NECAB1: variants seen among roughly 807,000 people sequenced by gnomAD.
NECAB1 encodes the protein N-terminal EF-hand calcium binding protein 1, also known as N-terminal EF-hand calcium-binding protein 1.
Under a neutral mutation model 57.5 loss-of-function variants are expected in NECAB1, and 29 were observed. The observed-to-expected ratio is 0.50, with a 90% CI of 0.38 to 0.69. The LOEUF is 0.69. Ranked by LOEUF, NECAB1 falls within the 30% of genes least tolerant of loss-of-function variation. NECAB1 has a pLI of 0.00. For missense variants in NECAB1, 372 were observed against 413.8 expected, an observed-to-expected ratio of 0.90 and a Z score of 0.88; for synonymous variants, 142 against 147.7, an observed-to-expected ratio of 0.96 and a Z score of 0.28.
intron 3 of NECAB1, among the ~76,000 whole-genome samples, chr8:90,863,985 T>C (rs181999715): frequency 1.3e-5 from 2 of 152,246 alleles, no homozygotes; most frequent in East Asian, 3.9e-4. Flanking sequence ...AAAGTGCGGG[T>C]CACAGACTGA....
intron 5 of NECAB1, among the ~76,000 whole-genome samples, chr8:90,906,885 A>ATGTATATATATATATATATATATG (rs1563528221): frequency 1.7e-5 from 2 of 120,926 alleles, no homozygotes; most frequent in East Asian, 2.9e-4. Flanking sequence ...ACATATATAT[A>ATGTATATATATATATATATATATG]TATATATATA....
intron 5 of NECAB1, among the ~76,000 whole-genome samples, chr8:90,912,649 A>G (rs1264135660): frequency 6.6e-6 from 1 of 152,106 alleles, no homozygotes; most frequent in African/African-American, 2.4e-5. Context: ...ACCTCTGTCC[A>G]TTATTAGGAC....
intron 5 of NECAB1, among the ~76,000 whole-genome samples, chr8:90,882,319 C>G (rs1367441985): frequency 6.6e-6 from 1 of 151,358 alleles, no homozygotes; most frequent in Admixed American, 6.6e-5. Flanking sequence ...AAATAAAGTT[C>G]AGAAAGTCCC....
chr8:90,917,370 C>T, intron 5 of NECAB1, 122 bp from the exon 6 acceptor site: 1 of 785,984 alleles, frequency 1.3e-6, no homozygotes. Context: ...CTTTTCCCTT[C>T]TCTCCACCCT....
At chr8:90,892,706 G>A (rs1016879147) in intron 5 of NECAB1, among the ~76,000 whole-genome samples, 7 of 152,144 alleles carry the variant, frequency 4.6e-5, no homozygotes, top group Admixed American at 2.6e-4. Context: ...TCCTTGACTC[G>A]CACAGGGATT....
At chr8:90,840,273 G>A (rs555572315) in intron 3 of NECAB1, among the ~76,000 whole-genome samples, 3 of 152,184 alleles carry the variant, frequency 2.0e-5, no homozygotes, top group African/African-American at 7.2e-5. Flanking sequence ...CAATAATAAC[G>A]GTTAACGTTT....
chr8:90,901,681 A>C (rs1428138256), intron 5 of NECAB1, among the ~76,000 whole-genome samples: 4 of 152,168 alleles, frequency 2.6e-5, no homozygotes, highest in African/African-American at 7.2e-5. Context: ...ATTGCCTGTG[A>C]AATTTGTATA....
intron 3 of NECAB1, among the ~76,000 whole-genome samples, chr8:90,871,728 C>G (rs1450604601): frequency 6.6e-6 from 1 of 152,030 alleles, no homozygotes; most frequent in Non-Finnish European, 1.5e-5. Context: ...TCCCATGAAC[C>G]AGAAATTTTT....
At chr8:90,932,431 T>C (rs1017586051) in intron 8 of NECAB1, among the ~76,000 whole-genome samples, 5 of 151,704 alleles carry the variant, frequency 3.3e-5, no homozygotes, top group Non-Finnish European at 5.9e-5. Context: ...AACAAATCCA[T>C]GAAACAAGAT....
At chr8:90,795,149 G>A (rs779861249) in intron 1 of NECAB1, among the ~76,000 whole-genome samples, 1 of 152,178 alleles carries the variant, frequency 6.6e-6, no homozygotes, top group African/African-American at 2.4e-5. Flanking sequence ...AACAGAAGAG[G>A]AACTCTAGTT....
intron 2 of NECAB1, among the ~76,000 whole-genome samples, chr8:90,802,166 A>T (rs1236868445): frequency 6.6e-6 from 1 of 152,206 alleles, no homozygotes; most frequent in Non-Finnish European, 1.5e-5. Context: ...ATGGCTTTGG[A>T]GATTTTACTG....
chr8:90,863,600 T>A (rs181621715), intron 3 of NECAB1, among the ~76,000 whole-genome samples: 7 of 152,274 alleles, frequency 4.6e-5, no homozygotes, highest in Non-Finnish European at 8.8e-5. Flanking sequence ...AAAAACAATT[T>A]ATATATGCCA....
chr8:90,848,787 C>T (rs1812618376), intron 3 of NECAB1, among the ~76,000 whole-genome samples: 1 of 152,074 alleles, frequency 6.6e-6, no homozygotes, highest in Non-Finnish European at 1.5e-5. Context: ...GAGTTTGAGA[C>T]TAGCTTGGCC....
At position 90,931,217 on chromosome 8, in the gene NECAB1, G is replaced by A. The variant is rs575043010; in HGVS notation, c.693+2918G>A. Reference sequence around the variant, plus strand: ...AGCTGTCTTAATGAATGGAGAAGCAGTGCAAGTTCAGTTTTCTTCTACAAC... The same window carrying A: ...AGCTGTCTTAATGAATGGAGAAGCAATGCAAGTTCAGTTTTCTTCTACAAC... On this transcript the variant is annotated intron_variant, in intron 8 of 12. Coordinates refer to ENST00000417640, the MANE Select transcript of NECAB1 (RefSeq NM_022351.5). 3.3e-5 allele frequency among the ~76,000 whole-genome samples: 5 copies of A among 152,304 alleles called. No individual in the cohort carries two copies. In the South Asian group the frequency reaches 1.0e-3, roughly 32 times the overall value.
At chr8:90,894,152 A>C (rs1809265459) in intron 5 of NECAB1, among the ~76,000 whole-genome samples, 1 of 152,214 alleles carries the variant, frequency 6.6e-6, no homozygotes, top group African/African-American at 2.4e-5. Flanking sequence ...GACAAATAAC[A>C]TATTTAATTG....
chr8:90,795,708 T>TCTCTCACACACACA (rs551150301), intron 1 of NECAB1, among the ~76,000 whole-genome samples: 1 of 147,764 alleles, frequency 6.8e-6, no homozygotes, highest in Non-Finnish European at 1.5e-5. Flanking sequence ...CTCATCTCTC[T>TCTCTCACACACACA]CACACACACA....
In NECAB1 at chr8:90,814,175, C is replaced by G. The variant is rs146160172; in HGVS notation, c.125-10542C>G. On this transcript the variant is annotated intron_variant, in intron 2 of 12. Transcript: ENST00000417640. ...GAGTACTAGGTCTGCTATTTTGTAG[C>G]ATGCACTTCATTTGGGATTTGTCTG... is the stretch of plus-strand genomic sequence containing the variant. Among the ~76,000 whole-genome samples, 77 of 152,294 alleles carry G rather than the reference C, an allele frequency of 5.1e-4. 1 individual carries two copies. The highest frequency in any genetic ancestry group is 9.3e-4 in the Non-Finnish European group (63 of 68,024).
intron 3 of NECAB1, among the ~76,000 whole-genome samples, chr8:90,853,940 T>C (rs895676909): frequency 2.0e-5 from 3 of 149,300 alleles, no homozygotes; most frequent in Non-Finnish European, 4.4e-5. Flanking sequence ...TTAGGGAGAG[T>C]AAGGAAAAGG....
At chr8:90,809,795 ATAT>A (rs1160546684) in intron 2 of NECAB1, among the ~76,000 whole-genome samples, 1 of 152,138 alleles carries the variant, frequency 6.6e-6, no homozygotes, top group African/African-American at 2.4e-5. Flanking sequence ...GTTTTTCTTA[ATAT>A]TCAAAATCAC....
Sources: allele counts gnomAD v4.1 joint callset (sites outside exome capture counted in the v4.1 genomes callset), GRCh38; gene constraint gnomAD v4.1.1; transcripts MANE v1.5; gene names NCBI Gene and HGNC (gene_info 2026-07-23, HGNC 2026-07-21).